Variants in TGM4 observed in about 807,000 individuals in gnomAD.
TGM4 encodes the protein transglutaminase 4, also known as protein-glutamine gamma-glutamyltransferase 4.
TGM4 carries 61 observed loss-of-function variants against 76.3 expected under a neutral mutation model. That is an observed-to-expected ratio of 0.80 (90% confidence interval 0.65 to 0.99). The LOEUF (loss-of-function observed/expected upper bound fraction) is 0.99. Ranked by LOEUF, TGM4 falls within the 50% of genes least tolerant of loss-of-function variation. The probability of loss-of-function intolerance (pLI) is 0.00; values close to 1 mark genes in which losing one functional copy is unlikely to be tolerated. For missense variants in TGM4, 794 were observed against 843.2 expected (o/e 0.94, Z 0.72); for synonymous variants, 337 against 329.8 (o/e 1.02, Z -0.24).
intron 5 of TGM4, among the ~76,000 whole-genome samples, chr3:44,894,860 C>T (rs1699758396): frequency 6.6e-6 from 1 of 152,018 alleles, no homozygotes; most frequent in Non-Finnish European, 1.5e-5. Context: ...CCTAGAAGGC[C>T]CTCAGCATCC....
rs1220869435 is a variant in TGM4 at position 44,889,559 on chromosome 3, C to T, written c.301-1044C>T. Among the ~76,000 whole-genome samples the T allele has an allele frequency of 4.6e-5, 7 of 152,118 alleles. No homozygotes were observed. In the East Asian group the frequency reaches 9.6e-4, roughly 21 times the overall value. On this transcript the variant is annotated intron_variant, in intron 3 of 13. Coordinates refer to ENST00000296125, the MANE Select transcript of TGM4 (RefSeq NM_003241.4). ...GGATTTGAACTGAGAGCCTATTGCTCCTATGAGTTATAATAATAAGCATCT... is the reference window on the plus strand; with the variant it reads ...GGATTTGAACTGAGAGCCTATTGCTTCTATGAGTTATAATAATAAGCATCT...
rs199964219 is a variant in TGM4, at chr3:44,913,764, C to A, written c.*39C>A. ...TGTGGAGCCTTAGTTGAGATTTCAGCATTTCCTACCTTGTGCTTAGCTTTC... is the reference window on the plus strand; with the variant it reads ...TGTGGAGCCTTAGTTGAGATTTCAGAATTTCCTACCTTGTGCTTAGCTTTC... On this transcript the variant is annotated 3_prime_UTR_variant, in exon 14 of 14. Coordinates refer to ENST00000296125, the MANE Select transcript of TGM4 (RefSeq NM_003241.4). 6.3e-7 allele frequency: 1 copy of A among 1,591,854 alleles called. No homozygotes were observed. Among genetic ancestry groups the A allele is most frequent in the African/African-American group, 1.4e-5 (1 of 73,882 alleles).
In TGM4 at chr3:44,903,121, A is replaced by AT. The variant is rs1349583258; in HGVS notation, c.972-757dup. On this transcript the variant is annotated intron_variant, in intron 8 of 13. Transcript: ENST00000296125. ...ACTGTGCAGGTCCACTCATAGGCAG[A>AT]TTTTTTCAACTGAGTACAGGTGTAT... Among the ~76,000 whole-genome samples, 7 of 152,168 alleles carry AT rather than the reference A, an allele frequency of 4.6e-5. No individual in the cohort carries two copies. The East Asian group carries it at 7.7e-4, about 17-fold the overall frequency.
chr3:44,906,934 C>T lies in TGM4; in HGVS notation c.1076-15C>T, dbSNP rs1575726533. The T allele has an allele frequency of 1.1e-5, 17 of 1,611,412 alleles. No individual in the cohort carries two copies. Among genetic ancestry groups the T allele is most frequent in the Non-Finnish European group, 1.4e-5 (17 of 1,178,136 alleles). On this transcript the variant is annotated splice_polypyrimidine_tract_variant and intron_variant, in intron 9 of 13. Coordinates refer to ENST00000296125, the MANE Select transcript of TGM4 (RefSeq NM_003241.4). ...GGAACCCCACTGAGAGTGACCACCC[C>T]TGGCTTCCCCTCAGGTGTCTTCTGC...
intron 1 of TGM4, among the ~76,000 whole-genome samples, chr3:44,879,267 A>C (rs199682512): frequency 0.041 from 2,925 of 71,570 alleles, 47 homozygotes; most frequent in African/African-American, 0.089. Flanking sequence ...CTCTCTCTCT[A>C]TATATATATA....
chr3:44,888,563 T>G (rs1286164049), intron 3 of TGM4: 1 of 152,250 alleles, frequency 6.6e-6, no homozygotes, highest in East Asian at 1.9e-4. Flanking sequence ...CAATTTTGCA[T>G]CTGAGTGTTT....
In TGM4 at chr3:44,896,725, T is replaced by C. The variant is rs1294920661; in HGVS notation, c.566T>C (p.Leu189Pro). The C allele has an allele frequency of 1.2e-6, 2 of 1,614,026 alleles. No homozygotes were observed. The highest frequency in any genetic ancestry group is 2.2e-5 in the East Asian group (1 of 44,888). ...CCAAAATAGTTTGAGAAAAATGTCC[T>C]GGACTGCTGCATTTCCCTGCTGACT... is the stretch of plus-strand genomic sequence containing the variant. ...WNFGQFEKNV[L>P]DCCISLLTES... Residue 189 changes from leucine to proline, a missense_variant, in exon 6 of 14, where the codon CTG becomes CCG. By Grantham distance (98) the Leu-to-Pro change is moderately conservative (BLOSUM62 -3). Coordinates refer to ENST00000296125, the MANE Select transcript of TGM4 (RefSeq NM_003241.4).
rs566975043 is a variant in TGM4, at chr3:44,903,729, C to G, written c.972-155C>G. ...GAGGCAGGTGGGACTCACCGGTGGC[C>G]CCTTCCTTGCCAGTGTTGACAAAGG... On this transcript the variant is annotated intron_variant, in intron 8 of 13. Transcript: ENST00000296125. 5.6e-5 allele frequency: 39 copies of G among 699,958 alleles called. No homozygotes were observed. In the African/African-American group the frequency reaches 6.6e-4, roughly 12 times the overall value. 43.4% of individuals were successfully genotyped at this position (699,958 alleles called of 1,614,324 possible).
chr3:44,887,967 C>A, intron 3 of TGM4, 172 bp downstream of exon 3: 1 of 633,940 alleles, frequency 1.6e-6, no homozygotes. Context: ...CCCCACTCAG[C>A]CTCCTCCAAG....
At chr3:44,896,360 C>T (rs1249446308) in intron 5 of TGM4, among the ~76,000 whole-genome samples, 1 of 152,216 alleles carries the variant, frequency 6.6e-6, no homozygotes, top group African/African-American at 2.4e-5. Context: ...ATCCACCTGC[C>T]TCGGCCTCCC....
intron 9 of TGM4, among the ~76,000 whole-genome samples, chr3:44,906,691 T>A (rs1448934682): frequency 6.6e-6 from 1 of 152,184 alleles, no homozygotes; most frequent in Non-Finnish European, 1.5e-5. Flanking sequence ...GGGACTGATG[T>A]GCTGGGATGA....
chr3:44,896,887 C>T (rs1575720661), intron 6 of TGM4, 71 bp downstream of exon 6: 1 of 1,313,996 alleles, frequency 7.6e-7, no homozygotes, highest in Non-Finnish European at 1.1e-6. Context: ...TGTTTTTCCT[C>T]ATCTAAACTG....
chr3:44,892,836 C>CT (rs1398302469), intron 4 of TGM4, among the ~76,000 whole-genome samples: 1 of 152,068 alleles, frequency 6.6e-6, no homozygotes, highest in East Asian at 1.9e-4. Context: ...TAGAAGTCCC[C>CT]TTTTTTAACA....
chr3:44,913,888 G>A lies in TGM4; in HGVS notation c.*163G>A. The A allele has an allele frequency of 1.1e-6, 1 of 922,864 alleles. No individual in the cohort carries two copies. Among genetic ancestry groups the A allele is most frequent in the Non-Finnish European group, 1.6e-6 (1 of 623,550 alleles). 57.2% of individuals were successfully genotyped at this position (922,864 alleles called of 1,614,324 possible). ...CAACCATAAGCAGCCAGACCCACAA[G>A]GCCAGGTCCTGTGCTATCACAGGGT... On this transcript the variant is annotated 3_prime_UTR_variant, in exon 14 of 14. Coordinates refer to ENST00000296125, the MANE Select transcript of TGM4 (RefSeq NM_003241.4).
At chr3:44,897,837 A>G (rs1489427816) in intron 6 of TGM4, among the ~76,000 whole-genome samples, 1 of 152,250 alleles carries the variant, frequency 6.6e-6, no homozygotes, top group African/African-American at 2.4e-5. Flanking sequence ...TAAAATATGT[A>G]GTGAGAAGAG....
intron 1 of TGM4, among the ~76,000 whole-genome samples, chr3:44,879,261 CTCTCTATATATATATA>C (rs1338835859): frequency 7.6e-4 from 71 of 93,338 alleles, no homozygotes; most frequent in Middle Eastern, 6.0e-3. Flanking sequence ...CTCTCTCTCT[CTCTCTATATATATATA>C]TATATATATA....
chr3:44,892,291 A>G (rs1479038218), intron 4 of TGM4, among the ~76,000 whole-genome samples: 1 of 151,596 alleles, frequency 6.6e-6, no homozygotes, highest in Non-Finnish European at 1.5e-5. Context: ...AAAATAAATA[A>G]TTAAAAAAAT....
chr3:44,890,590 A>G lies in TGM4; in HGVS notation c.301-13A>G, dbSNP rs570471445. On this transcript the variant is annotated splice_polypyrimidine_tract_variant and intron_variant, in intron 3 of 13. Coordinates refer to ENST00000296125, the MANE Select transcript of TGM4 (RefSeq NM_003241.4). ...GAGGGGGAGATGTCCACCTTATCTTATGGTTTGCTCAGGTCACAGTGGCTG... is the reference window on the plus strand; with the variant it reads ...GAGGGGGAGATGTCCACCTTATCTTGTGGTTTGCTCAGGTCACAGTGGCTG... The G allele has an allele frequency of 3.7e-6, 6 of 1,613,348 alleles. No homozygotes were observed. Among genetic ancestry groups the G allele is most frequent in the South Asian group, 2.2e-5 (2 of 91,004 alleles).
chr3:44,907,844 C>T (rs2125759695), intron 10 of TGM4, among the ~76,000 whole-genome samples: 1 of 152,302 alleles, frequency 6.6e-6, no homozygotes, highest in Admixed American at 6.5e-5. Flanking sequence ...GGCCCATTGG[C>T]TGTGGTTCCT....
Sources: allele counts gnomAD v4.1 joint callset (sites outside exome capture counted in the v4.1 genomes callset), GRCh38; gene constraint gnomAD v4.1.1; transcripts MANE v1.5; gene names NCBI Gene and HGNC (gene_info 2026-07-23, HGNC 2026-07-21).